Variants in PCDHA6 observed in about 807,000 individuals in gnomAD.
PCDHA6 encodes protocadherin alpha 6, also known as protocadherin alpha-6.
A neutral mutation model predicts 60.3 loss-of-function variants in PCDHA6; 55 were observed. The observed-to-expected ratio is 0.91, with a 90% confidence interval of 0.73 to 1.14. The LOEUF is 1.14. Ranked by LOEUF, PCDHA6 falls within the 50% of genes most tolerant of loss-of-function variation. The pLI, the probability that PCDHA6 is intolerant of heterozygous loss-of-function variation, is 0.00. For missense variants in PCDHA6, 1,327 were observed against 1,256.5 expected (o/e 1.06, Z -0.85); for synonymous variants, 652 against 557.9 (o/e 1.17, Z -2.38).
chr5:140,967,548 C>G (rs782750678), intron 1 of PCDHA6: 1 of 1,613,922 alleles, frequency 6.2e-7, no homozygotes, highest in Admixed American at 1.7e-5. Flanking sequence ...GACCAGTCCA[C>G]TTATCGCGTC....
At chr5:140,843,901 A>C in intron 1 of PCDHA6, 3 of 653,454 alleles carry the variant, frequency 4.6e-6, no homozygotes, top group South Asian at 2.2e-5. Context: ...ATCATTCTCC[A>C]CAAGTTGGGT....
Position 140,848,783 on chromosome 5 carries a change from C to A in PCDHA6, c.2394+18298C>A, listed in dbSNP as rs2150420389. 1.5e-5 allele frequency: 24 copies of A among 1,593,092 alleles called. 2 individuals carry two copies. The highest frequency in any genetic ancestry group is 2.2e-5 in the East Asian group (1 of 44,812). On this transcript the variant is annotated intron_variant, in intron 1 of 3. Transcript: ENST00000529310. ...CTCGGATCGACCGCGAGGAGCTGTG[C>A]GGGCGGAGCGCGGAGTGCAGCATCC... is the stretch of plus-strand genomic sequence containing the variant.
At chr5:140,927,045 C>T (rs965998627) in intron 1 of PCDHA6, 8 of 1,612,136 alleles carry the variant, frequency 5.0e-6, no homozygotes, top group African/African-American at 1.3e-5. Flanking sequence ...CCGCTATGTC[C>T]TCGCGGAACT....
intron 1 of PCDHA6, chr5:140,850,234 TGGTGCTGCGGTC>T (rs1344981647): frequency 6.3e-7 from 1 of 1,593,808 alleles, no homozygotes; most frequent in East Asian, 2.2e-5. Flanking sequence ...GTGAGCGAGA[TGGTGCTGCGGTC>T]GGTGGGCGCC....
At chr5:140,882,339 G>A (rs1554173610) in intron 1 of PCDHA6, 1 of 1,614,162 alleles carries the variant, frequency 6.2e-7, no homozygotes, top group Admixed American at 1.7e-5. Flanking sequence ...CTCGCAGCCT[G>A]GGAGACGGGT....
chr5:140,992,381 T>C (rs890804495), intron 3 of PCDHA6, among the ~76,000 whole-genome samples: 5 of 152,200 alleles, frequency 3.3e-5, no homozygotes, highest in Admixed American at 1.3e-4. Context: ...TACATTATTG[T>C]GTTCTGGACT....
At chr5:140,882,080 C>A in intron 1 of PCDHA6, 1 of 970,966 alleles carries the variant, frequency 1.0e-6, no homozygotes, top group Non-Finnish European at 1.5e-6. Flanking sequence ...CATGGTGTCG[C>A]TCTTCACTGA....
chr5:140,996,372 G>A (rs898606404), intron 3 of PCDHA6, among the ~76,000 whole-genome samples: 1 of 152,180 alleles, frequency 6.6e-6, no homozygotes, highest in Non-Finnish European at 1.5e-5. Context: ...TTTTGTTGTC[G>A]GCTGAAATAA....
chr5:140,830,051 C>G lies in PCDHA6; in HGVS notation c.1960C>G (p.His654Asp). The change falls in exon 1 of 4, where the codon CAC becomes GAC. Residue 654 changes from histidine (H) to aspartate (D), a missense_variant. By Grantham distance (81) the His-to-Asp change is moderately conservative. Transcript: ENST00000529310. ...CCGGCTGCTGGTGCTGGTGAAAGAC[C>G]ACGGTGAGCCGGCGCTGACAGCGAC... ...RHRLLVLVKD[H>D]GEPALTATAT... is the part of the protein sequence containing the mutation. The G allele has an allele frequency of 1.2e-6, 2 of 1,613,728 alleles. No homozygotes were observed. The highest frequency in any genetic ancestry group is 4.5e-5 in the East Asian group (2 of 44,866).
intron 3 of PCDHA6, among the ~76,000 whole-genome samples, chr5:141,005,406 G>C (rs1224420854): frequency 1.3e-5 from 2 of 152,172 alleles, no homozygotes; most frequent in Non-Finnish European, 2.9e-5. Flanking sequence ...GACTTGAAGA[G>C]TGAGGAGTCA....
intron 3 of PCDHA6, among the ~76,000 whole-genome samples, chr5:140,999,140 G>A (rs1473682487): frequency 6.6e-6 from 1 of 152,164 alleles, no homozygotes; most frequent in African/African-American, 2.4e-5. Context: ...TGTCACAGCC[G>A]GAAGTCTTCA....
At chr5:140,942,311 G>A (rs781987580) in intron 1 of PCDHA6, among the ~76,000 whole-genome samples, 1 of 152,004 alleles carries the variant, frequency 6.6e-6, no homozygotes, top group Non-Finnish European at 1.5e-5. Flanking sequence ...TTGGGAGGTC[G>A]AGGCACAAGA....
chr5:140,984,359 T>A (rs1372089743), intron 3 of PCDHA6, among the ~76,000 whole-genome samples: 1 of 152,242 alleles, frequency 6.6e-6, no homozygotes, highest in Non-Finnish European at 1.5e-5. Flanking sequence ...ATTTCATACA[T>A]CTGGCCAAGT....
At chr5:140,844,621 AG>A (rs1779471115) in intron 1 of PCDHA6, among the ~76,000 whole-genome samples, 1 of 149,558 alleles carries the variant, frequency 6.7e-6, no homozygotes, top group Non-Finnish European at 1.5e-5. Flanking sequence ...TGTTTTCATC[AG>A]AAAAACTATA....
chr5:140,875,578 T>C lies in PCDHA6; in HGVS notation c.2394+45093T>C, dbSNP rs534589966. 6 of 1,614,098 alleles carry C rather than the reference T, an allele frequency of 3.7e-6. No homozygotes were observed. Among genetic ancestry groups the C allele is most frequent in the East Asian group, 4.5e-5 (2 of 44,882 alleles). On this transcript the variant is annotated intron_variant, in intron 1 of 3. Coordinates refer to ENST00000529310, the MANE Select transcript of PCDHA6 (RefSeq NM_018909.4). ...GAGCGGCCAGCTCCACTACTCCGTC[T>C]ACGAGGAGGCCAAACACGGCACCTT... is the stretch of plus-strand genomic sequence containing the variant.
At chr5:140,866,847 A>T (rs1485743697) in intron 1 of PCDHA6, 1 of 152,136 alleles carries the variant, frequency 6.6e-6, no homozygotes, top group African/African-American at 2.4e-5. Context: ...ATCAGTTAAC[A>T]ATAACTGTAT....
At chr5:140,841,276 T>A in intron 1 of PCDHA6, 67 of 1,485,756 alleles carry the variant, frequency 4.5e-5, no homozygotes, top group Middle Eastern at 1.8e-4. Flanking sequence ...CAGTCGTTCA[T>A]CTTTATATTA....
intron 1 of PCDHA6, chr5:140,875,414 C>A: frequency 3.3e-6 from 5 of 1,508,510 alleles, no homozygotes; most frequent in Non-Finnish European, 4.4e-6. Flanking sequence ...CATAAAATAC[C>A]TCAGGCAAGC....
At chr5:140,881,382 C>T (rs1312033271) in intron 1 of PCDHA6, 2 of 983,994 alleles carry the variant, frequency 2.0e-6, no homozygotes, top group Non-Finnish European at 2.4e-6. Flanking sequence ...CAGCCGGCGG[C>T]GGTAAGTTAA....
Sources: allele counts gnomAD v4.1 joint callset (sites outside exome capture counted in the v4.1 genomes callset), GRCh38; gene constraint gnomAD v4.1.1; transcripts MANE v1.5; gene names NCBI Gene and HGNC (gene_info 2026-07-23, HGNC 2026-07-21).